The following RAF1 variants were observed in gnomAD, a reference collection of about 807,000 sequenced individuals.
RAF1 encodes the protein RAF proto-oncogene serine/threonine-protein kinase.
A neutral mutation model predicts 81.1 loss-of-function variants in RAF1; 27 were observed. The observed-to-expected ratio is 0.33, with a 90% CI of 0.25 to 0.46. The LOEUF is 0.46. Ranked by LOEUF, RAF1 falls within the 20% of genes least tolerant of loss-of-function variation. The probability of loss-of-function intolerance (pLI) is 1.00; values close to 1 mark genes in which losing one functional copy is unlikely to be tolerated. For missense variants in RAF1, 598 were observed against 826.0 expected, an observed-to-expected ratio of 0.72 and a Z score of 3.38; for synonymous variants, 298 against 294.0, an observed-to-expected ratio of 1.01 and a Z score of -0.14.
chr3:12,606,688 T>C (rs536966444), intron 5 of RAF1, among the ~76,000 whole-genome samples: 2 of 151,874 alleles, frequency 1.3e-5, no homozygotes, highest in African/African-American at 4.8e-5. Context: ...CACACCACCA[T>C]GCCCAGCTAA....
chr3:12,596,070 A>C (rs1291421687), intron 11 of RAF1, among the ~76,000 whole-genome samples: 1 of 151,840 alleles, frequency 6.6e-6, no homozygotes, highest in South Asian at 2.1e-4. Context: ...ACAGGGTCTC[A>C]CTATGTTGTC....
At chr3:12,633,749 C>T (rs1206365346) in intron 1 of RAF1, among the ~76,000 whole-genome samples, 4 of 151,550 alleles carry the variant, frequency 2.6e-5, no homozygotes, top group Non-Finnish European at 4.4e-5. Flanking sequence ...GCCTGGCCAA[C>T]ATGGTGAAAC....
chr3:12,649,005 T>C (rs1030272842), intron 1 of RAF1, among the ~76,000 whole-genome samples: 1 of 151,972 alleles, frequency 6.6e-6, no homozygotes, highest in Admixed American at 6.6e-5. Flanking sequence ...TGCCAGCTAC[T>C]TGGGAGGCTG....
intron 1 of RAF1, among the ~76,000 whole-genome samples, chr3:12,647,640 T>G (rs147906240): frequency 1.8e-3 from 268 of 152,180 alleles, no homozygotes; most frequent in Non-Finnish European, 3.2e-3. Context: ...TTTTAAGTGG[T>G]CACAACACTG....
intron 1 of RAF1, among the ~76,000 whole-genome samples, chr3:12,625,592 C>A (rs1431368892): frequency 1.3e-5 from 2 of 152,112 alleles, no homozygotes; most frequent in East Asian, 3.9e-4. Flanking sequence ...AGACTCAAAG[C>A]CACAGAACTA....
intron 11 of RAF1, among the ~76,000 whole-genome samples, chr3:12,598,725 CAAAAAAA>C (rs59472802): frequency 0.1 from 6,437 of 61,822 alleles, 242 homozygotes; most frequent in Non-Finnish European, 0.13. Flanking sequence ...GAATCTATCT[CAAAAAAA>C]AAAAAAAAAA....
intron 1 of RAF1, among the ~76,000 whole-genome samples, chr3:12,619,170 G>C (rs922336354): frequency 6.6e-6 from 1 of 151,690 alleles, no homozygotes; most frequent in East Asian, 1.9e-4. Context: ...GCGGGAACCT[G>C]GGAGGCGGAG....
chr3:12,644,499 C>T (rs2060285001), intron 1 of RAF1, among the ~76,000 whole-genome samples: 1 of 152,124 alleles, frequency 6.6e-6, no homozygotes, highest in South Asian at 2.1e-4. Context: ...TGTACAAGAA[C>T]TACAAGTCCT....
At chr3:12,647,714 C>T (rs1292942434) in intron 1 of RAF1, among the ~76,000 whole-genome samples, 2 of 152,202 alleles carry the variant, frequency 1.3e-5, no homozygotes, top group African/African-American at 4.8e-5. Context: ...ATGTTAGTTT[C>T]CTAACCAGTC....
At chr3:12,601,597 A>G (rs6764324) in intron 8 of RAF1, among the ~76,000 whole-genome samples, 1 of 152,178 alleles carries the variant, frequency 6.6e-6, no homozygotes, top group Admixed American at 6.6e-5. Flanking sequence ...ACTACAGTAT[A>G]GACAAGATAC....
At chr3:12,612,608 C>T (rs2059248760) in intron 2 of RAF1, among the ~76,000 whole-genome samples, 1 of 143,960 alleles carries the variant, frequency 6.9e-6, no homozygotes, top group Non-Finnish European at 1.5e-5. Flanking sequence ...GAGATCGCAC[C>T]ATTGCACTCC....
At position 12,584,439 on chromosome 3, in the gene RAF1, A is replaced by C. The variant is rs2058250974; in HGVS notation, c.*75T>G. On this transcript the variant is annotated 3_prime_UTR_variant, in exon 18 of 18. Coordinates refer to ENST00000442415, the MANE Select transcript of RAF1 (RefSeq NM_001354689.3). ...CTGAAAACATGTGTTCTGCCTCTGG[A>C]GAAAGGGAGCAGAAAAGTGGTGCCT... The C allele has an allele frequency of 1.3e-6, 2 of 1,581,904 alleles. No individual in the cohort carries two copies. Among genetic ancestry groups the C allele is most frequent in the Non-Finnish European group, 1.7e-6 (2 of 1,152,292 alleles).
chr3:12,652,678 T>G lies in RAF1; in HGVS notation c.-27+11135A>C, dbSNP rs1347093286. ...ATTAAATAACTGAAGCCAGGTGCAG[T>G]GGCTCACATCTGTAATCCCAGCACT... is the stretch of plus-strand genomic sequence containing the variant. On this transcript the variant is annotated intron_variant, in intron 1 of 17. Coordinates refer to ENST00000442415, the MANE Select transcript of RAF1 (RefSeq NM_001354689.3). Among the ~76,000 whole-genome samples, 6 of 152,096 alleles carry G rather than the reference T, an allele frequency of 3.9e-5. No homozygotes were observed. In the East Asian group the frequency reaches 1.2e-3, roughly 29 times the overall value.
chr3:12,635,662 AG>A, intron 1 of RAF1, among the ~76,000 whole-genome samples: 1 of 129,236 alleles, frequency 7.7e-6, no homozygotes, highest in Non-Finnish European at 1.6e-5. Context: ...AAAAAAAAAG[AG>A]AGAGAGAGAT....
intron 1 of RAF1, among the ~76,000 whole-genome samples, chr3:12,625,265 T>C (rs2059670432): frequency 6.6e-6 from 1 of 152,054 alleles, no homozygotes; most frequent in Admixed American, 6.6e-5. Flanking sequence ...GTGTTTTTAG[T>C]GGAGATGGGG....
intron 1 of RAF1, among the ~76,000 whole-genome samples, chr3:12,637,462 G>A (rs550842669): frequency 2.0e-5 from 3 of 151,488 alleles, no homozygotes; most frequent in African/African-American, 7.3e-5. Flanking sequence ...ACAGGGTTTC[G>A]ACACGTTGAC....
chr3:12,599,584 C>T (rs1229687015), intron 11 of RAF1, 107 bp downstream of exon 10: 2 of 811,442 alleles, frequency 2.5e-6, no homozygotes, highest in Non-Finnish European at 4.4e-6. Flanking sequence ...GAGAGTACTG[C>T]TATAAGCCCA....
In RAF1 at chr3:12,600,207, A is replaced by C. The variant is rs370243307; in HGVS notation, c.995T>G (p.Val332Gly). 1 of 1,614,172 alleles carries C rather than the reference A, an allele frequency of 6.2e-7. No individual in the cohort carries two copies. Among genetic ancestry groups the C allele is most frequent in the Admixed American group, 1.7e-5 (1 of 60,028 alleles). The change falls in exon 10 of 18, where the codon GTG becomes GGG. Residue 332 changes from valine (V) to glycine (G), a missense_variant. By Grantham distance (109) the Val-to-Gly change is moderately radical (BLOSUM62 -3). Coordinates refer to ENST00000442415, the MANE Select transcript of RAF1 (RefSeq NM_001354689.3). The stretch of plus-strand genomic sequence containing the variant: ...TGGTGCCCGCTCTCTTTGTGCTGGC[A>C]CGGGGGTTTTCGGCTGTGACCAGCC...
chr3:12,627,035 A>AAG (rs1163796624), intron 1 of RAF1, among the ~76,000 whole-genome samples: 4 of 151,224 alleles, frequency 2.6e-5, no homozygotes, highest in Admixed American at 2.0e-4. Context: ...AAAAAAAAAA[A>AAG]AAAAGAAAAG....
Sources: gnomAD v4.1 joint callset for allele counts (sites outside exome capture counted in the v4.1 genomes callset) on GRCh38, gnomAD v4.1.1 for gene constraint, MANE v1.5 for transcripts, NCBI Gene and HGNC (gene_info 2026-07-23, HGNC 2026-07-21) for gene names.